RASSF8: variants seen among roughly 807,000 people sequenced by gnomAD.
RASSF8 encodes Ras association domain family member 8, also known as ras association domain-containing protein 8.
Under a neutral mutation model 48.5 loss-of-function variants are expected in RASSF8, and 22 were observed. That is an observed-to-expected ratio of 0.45 (90% CI 0.32 to 0.65). The LOEUF (loss-of-function observed/expected upper bound fraction) is 0.65, where lower values mean the gene tolerates loss of function less well. Among genes scored for constraint, RASSF8 ranks in the 30% least tolerant of loss-of-function variants. RASSF8 has a pLI of 0.03. For synonymous variants in RASSF8, 127 were observed against 171.5 expected, an observed-to-expected ratio of 0.74 and a Z score of 2.03; for missense variants, 418 against 489.2, an observed-to-expected ratio of 0.85 and a Z score of 1.37.
At chr12:25,963,247 TAAAA>T (rs1272514311) in intron 1 of RASSF8, among the ~76,000 whole-genome samples, 1 of 142,942 alleles carries the variant, frequency 7.0e-6, no homozygotes, top group African/African-American at 2.6e-5. Context: ...GAGTTTTTTT[TAAAA>T]AAAGTGGGAG....
intron 1 of RASSF8, among the ~76,000 whole-genome samples, chr12:25,990,265 G>T (rs563333598): frequency 6.6e-6 from 1 of 152,152 alleles, no homozygotes. Context: ...AGCCATTAGT[G>T]ATTTCTCTTG....
intron 4 of RASSF8, among the ~76,000 whole-genome samples, chr12:26,065,913 G>A (rs1943863337): frequency 6.6e-6 from 1 of 152,096 alleles, no homozygotes; most frequent in Non-Finnish European, 1.5e-5. Flanking sequence ...CATACGAGAA[G>A]TTCTATTTTG....
rs565975278 is a variant in RASSF8 at position 26,032,113 on chromosome 12, C to G, written c.-108-23123C>G. ...GAAAATTTACCAATCAGGGAATTTT[C>G]CATTGAGCTTGCTTTTTTGAAAAGG... On this transcript the variant is annotated intron_variant, in intron 2 of 5. Transcript: ENST00000689635. Among the ~76,000 whole-genome samples the G allele has an allele frequency of 4.6e-5, 7 of 152,222 alleles. No homozygotes were observed. The East Asian group carries it at 1.4e-3, about 29-fold the overall frequency.
intron 2 of RASSF8, among the ~76,000 whole-genome samples, chr12:26,047,980 G>GT (rs1565635638): frequency 6.6e-6 from 1 of 152,092 alleles, no homozygotes; most frequent in East Asian, 1.9e-4. Flanking sequence ...GGCAGATGCC[G>GT]TAAGGGTCCA....
In RASSF8 at chr12:26,065,401, G is replaced by T; in HGVS notation, c.993+14G>T. ...AAACGCTTACAGGTAGGGACACTTT[G>T]ATAAATAGAATGTTTGGCCCATGTA... is the stretch of plus-strand genomic sequence containing the variant. On this transcript the variant is annotated intron_variant, in intron 4 of 5. Transcript: ENST00000689635. 1.3e-6 allele frequency: 2 copies of T among 1,576,420 alleles called. No homozygotes were observed. Among genetic ancestry groups the T allele is most frequent in the South Asian group, 2.4e-5 (2 of 84,700 alleles).
downstream of RASSF8, among the ~76,000 whole-genome samples, chr12:26,073,670 C>T (rs925384800): frequency 8.0e-5 from 12 of 150,876 alleles, no homozygotes; most frequent in Non-Finnish European, 1.3e-4. Flanking sequence ...ACCCGGGAGG[C>T]GGAGGTTGGA....
chr12:26,077,206 A>T (rs1944080524), downstream of RASSF8, among the ~76,000 whole-genome samples: 1 of 151,980 alleles, frequency 6.6e-6, no homozygotes. Flanking sequence ...TCCCATTCTG[A>T]AGGTTGCCTG....
chr12:25,963,815 G>A (rs1941294248), intron 1 of RASSF8, among the ~76,000 whole-genome samples: 1 of 152,200 alleles, frequency 6.6e-6, no homozygotes, highest in Non-Finnish European at 1.5e-5. Context: ...GGAGGAGTGA[G>A]TAGTTTATCT....
intron 2 of RASSF8, among the ~76,000 whole-genome samples, chr12:26,025,339 C>T (rs1219138465): frequency 2.6e-5 from 4 of 151,958 alleles, no homozygotes; most frequent in East Asian, 3.9e-4. Context: ...GGGCAGATCA[C>T]GAGGTCAGGA....
chr12:26,035,434 A>C (rs1943116106), intron 2 of RASSF8, among the ~76,000 whole-genome samples: 1 of 35,798 alleles, frequency 2.8e-5, no homozygotes, highest in Admixed American at 1.9e-4. Context: ...AAATTATATA[A>C]TTATATAATA....
At chr12:26,041,647 A>G in intron 2 of RASSF8, among the ~76,000 whole-genome samples, 1 of 152,050 alleles carries the variant, frequency 6.6e-6, no homozygotes, top group Middle Eastern at 3.4e-3. Flanking sequence ...ATATACACAC[A>G]CATACACATA....
At chr12:25,981,820 A>G (rs1941751582) in intron 1 of RASSF8, among the ~76,000 whole-genome samples, 2 of 152,172 alleles carry the variant, frequency 1.3e-5, no homozygotes, top group African/African-American at 2.4e-5. Context: ...CGAAAGCATG[A>G]TTGATTATTT....
In RASSF8 at chr12:26,065,205, G is replaced by T; in HGVS notation, c.811G>T (p.Gly271Cys). 6.2e-7 allele frequency: 1 copy of T among 1,614,108 alleles called. No homozygotes were observed. The highest frequency in any genetic ancestry group is 8.5e-7 in the Non-Finnish European group (1 of 1,179,998). ...YLAQIRTMES[G>C]LEAEKLQREV... Reference sequence around the variant, plus strand: ...GGCACAGATCCGGACTATGGAAAGTGGTCTTGAAGCAGAAAAATTGCAACG... The same window carrying T: ...GGCACAGATCCGGACTATGGAAAGTTGTCTTGAAGCAGAAAAATTGCAACG... Residue 271 changes from glycine to cysteine, a missense_variant, in exon 4 of 6, where the codon GGT becomes TGT. Gly to Cys is a radical substitution (Grantham distance 159). Transcript: ENST00000689635.
At chr12:25,970,040 A>G (rs1442022768) in intron 1 of RASSF8, among the ~76,000 whole-genome samples, 1 of 149,708 alleles carries the variant, frequency 6.7e-6, no homozygotes, top group African/African-American at 2.5e-5. Flanking sequence ...GCTCCCTGAT[A>G]TTTTTTCTCA....
intron 1 of RASSF8, among the ~76,000 whole-genome samples, chr12:25,972,612 A>G (rs1174681767): frequency 1.3e-5 from 2 of 152,244 alleles, no homozygotes; most frequent in East Asian, 3.8e-4. Flanking sequence ...TTATAAGGTT[A>G]AAATGAGAGA....
intron 1 of RASSF8, among the ~76,000 whole-genome samples, chr12:25,984,224 C>CTTTT (rs57275940): frequency 1.2e-5 from 1 of 86,724 alleles, no homozygotes; most frequent in African/African-American, 4.5e-5. Flanking sequence ...CTACACGTAG[C>CTTTT]TTTTTTTTTT....
intron 2 of RASSF8, among the ~76,000 whole-genome samples, chr12:25,995,873 A>G (rs1942120639): frequency 2.0e-5 from 3 of 150,382 alleles, no homozygotes; most frequent in Admixed American, 2.0e-4. Context: ...GGCACCAGCC[A>G]GCGTGCTGTC....
Position 26,068,804 on chromosome 12 carries a change from GGCA to G in RASSF8, c.1247_1249del (p.Gly416_Ile417delinsVal). 6.5e-7 allele frequency: 1 copy of G among 1,537,054 alleles called. No homozygotes were observed. The highest frequency in any genetic ancestry group is 8.7e-7 in the Non-Finnish European group (1 of 1,146,770). ...TATCTCATCTGGTTTTAATCCTGAA[GGCA>G]TATATGTATGACATTATCTGTCTTT... On this transcript the variant is annotated inframe_deletion, in exon 6 of 6. Coordinates refer to ENST00000689635, the MANE Select transcript of RASSF8 (RefSeq NM_001394098.1).
intron 3 of RASSF8, among the ~76,000 whole-genome samples, chr12:26,061,675 G>A (rs1943746623): frequency 6.6e-6 from 1 of 152,116 alleles, no homozygotes; most frequent in South Asian, 2.1e-4. Context: ...AGTTTTGCAG[G>A]AGGAATCAGA....
Sources: allele counts gnomAD v4.1 joint callset (sites outside exome capture counted in the v4.1 genomes callset), GRCh38; gene constraint gnomAD v4.1.1; transcripts MANE v1.5; gene names NCBI Gene and HGNC (gene_info 2026-07-23, HGNC 2026-07-21).